The following SNTG1 variants were observed in gnomAD, a reference collection of about 807,000 sequenced individuals.
SNTG1 encodes the protein syntrophin gamma 1.
In SNTG1, 39 loss-of-function variants were observed where a neutral mutation model predicts 74.7. The ratio of observed to expected loss-of-function variants is 0.52; its 90% confidence interval spans 0.40 to 0.68. SNTG1 has a LOEUF of 0.68. Among genes scored for constraint, SNTG1 ranks in the 30% least tolerant of loss-of-function variants. The pLI is 0.00. For synonymous variants in SNTG1, 254 were observed against 217.1 expected, an observed-to-expected ratio of 1.17 and a Z score of -1.49; for missense variants, 685 against 609.5, an observed-to-expected ratio of 1.12 and a Z score of -1.30.
Position 50,106,416 on chromosome 8 carries a change from G to C in SNTG1, c.-102-66145G>C, listed in dbSNP as rs368297324. Among the ~76,000 whole-genome samples, 20 of 152,162 alleles carry C rather than the reference G, an allele frequency of 1.3e-4. No homozygotes were observed. In the East Asian group the frequency reaches 2.5e-3, roughly 19 times the overall value. On this transcript the variant is annotated intron_variant, in intron 1 of 18. Transcript: ENST00000642720. ...ATAATTCAACATGAGATTTGGGTGG[G>C]GACACAGAACTAACCATTTCACAGT...
chr8:50,648,623 T>A (rs1024934565), intron 13 of SNTG1, among the ~76,000 whole-genome samples: 21 of 152,146 alleles, frequency 1.4e-4, no homozygotes, highest in Non-Finnish European at 2.8e-4. Context: ...ATTATTTGAA[T>A]AAGATAGTGG....
intron 1 of SNTG1, among the ~76,000 whole-genome samples, chr8:49,922,595 A>C (rs555889584): frequency 6.6e-6 from 1 of 152,158 alleles, no homozygotes; most frequent in African/African-American, 2.4e-5. Flanking sequence ...GGGACAAAGG[A>C]GATGATCCCT....
chr8:50,493,579 T>C (rs925470728), intron 8 of SNTG1, among the ~76,000 whole-genome samples: 1 of 152,082 alleles, frequency 6.6e-6, no homozygotes, highest in African/African-American at 2.4e-5. Context: ...TTGACTTGAG[T>C]GGTGTTGATT....
intron 12 of SNTG1, among the ~76,000 whole-genome samples, chr8:50,571,323 G>T (rs1489454354): frequency 6.6e-6 from 1 of 152,166 alleles, no homozygotes; most frequent in Admixed American, 6.5e-5. Context: ...TCCTGTCCCG[G>T]GCTCAAGAGA....
chr8:50,682,621 C>T (rs2095335729), intron 15 of SNTG1, among the ~76,000 whole-genome samples: 1 of 152,104 alleles, frequency 6.6e-6, no homozygotes, highest in South Asian at 2.1e-4. Context: ...TATCCTCAGC[C>T]CTCAACTGTG....
chr8:50,491,583 A>T (rs1416528455), intron 8 of SNTG1: 1 of 152,230 alleles, frequency 6.6e-6, no homozygotes, highest in Admixed American at 6.5e-5. Flanking sequence ...CCATCGGAGT[A>T]CGTGCGCAGC....
intron 2 of SNTG1, among the ~76,000 whole-genome samples, chr8:50,180,848 C>T (rs866008423): frequency 1.6e-4 from 24 of 150,280 alleles, no homozygotes; most frequent in African/African-American, 5.9e-4. Flanking sequence ...GCAACCTCCA[C>T]CTCCCAGGTT....
chr8:50,484,936 G>T (rs1195763343), intron 8 of SNTG1, among the ~76,000 whole-genome samples: 1 of 152,064 alleles, frequency 6.6e-6, no homozygotes, highest in African/African-American at 2.4e-5. Context: ...TGTCTTGTCT[G>T]CCCATCTGCA....
rs548717823 is a variant in SNTG1 at position 50,555,715 on chromosome 8, C to A, written c.810+2536C>A. Among the ~76,000 whole-genome samples, 174 of 151,950 alleles carry A rather than the reference C, an allele frequency of 1.1e-3. 4 individuals are homozygous for A. In the South Asian group the frequency reaches 0.027, roughly 23 times the overall value. On this transcript the variant is annotated intron_variant, in intron 12 of 18. Coordinates refer to ENST00000642720, the MANE Select transcript of SNTG1 (RefSeq NM_018967.5). ...ATTGTGATAAATATTTAAAGAAATT[C>A]CACTCAAGAGATTATCAGGCATAAA...
chr8:49,959,662 A>G (rs772591363), intron 1 of SNTG1, among the ~76,000 whole-genome samples: 15 of 152,222 alleles, frequency 9.9e-5, no homozygotes, highest in Non-Finnish European at 2.2e-4. Flanking sequence ...ATTCCATTAT[A>G]TGGAAATGCC....
intron 4 of SNTG1, among the ~76,000 whole-genome samples, chr8:50,431,388 A>G (rs1456511765): frequency 6.6e-6 from 1 of 152,162 alleles, no homozygotes; most frequent in Non-Finnish European, 1.5e-5. Flanking sequence ...TCATTTTTAA[A>G]ATTATTCAAT....
chr8:50,587,967 A>T (rs891527543), intron 12 of SNTG1, among the ~76,000 whole-genome samples: 1 of 151,852 alleles, frequency 6.6e-6, no homozygotes, highest in East Asian at 1.9e-4. Context: ...AAAATAAAAA[A>T]AAATTAGCCA....
rs375010794 is a variant in SNTG1, at chr8:50,185,698, A to G, written c.-28+13063A>G. The stretch of plus-strand genomic sequence containing the variant: ...CCTTTTTTTACTTTAAAGTTCACTA[A>G]TAATTGTGGAAAATATTCTTTTTTC... On this transcript the variant is annotated intron_variant, in intron 2 of 18. Coordinates refer to ENST00000642720, the MANE Select transcript of SNTG1 (RefSeq NM_018967.5). 5.3e-5 allele frequency among the ~76,000 whole-genome samples: 8 copies of G among 152,314 alleles called. No individual in the cohort carries two copies. The East Asian group carries it at 9.6e-4, about 18-fold the overall frequency.
intron 2 of SNTG1, among the ~76,000 whole-genome samples, chr8:50,390,759 G>A (rs1402091307): frequency 6.6e-6 from 1 of 152,108 alleles, no homozygotes; most frequent in East Asian, 1.9e-4. Flanking sequence ...GCAGTGGTTT[G>A]TAGTTCTCCT....
At chr8:50,343,419 A>G (rs1373804498) in intron 2 of SNTG1, among the ~76,000 whole-genome samples, 1 of 152,236 alleles carries the variant, frequency 6.6e-6, no homozygotes, top group Non-Finnish European at 1.5e-5. Flanking sequence ...TATTTCTGTA[A>G]GAACAATCAG....
chr8:50,431,100 A>C (rs1382181118), intron 4 of SNTG1, among the ~76,000 whole-genome samples: 6 of 152,210 alleles, frequency 3.9e-5, no homozygotes, highest in Non-Finnish European at 7.3e-5. Flanking sequence ...ATGTAGTTCA[A>C]GTGTCACAGA....
At chr8:50,280,900 T>A (rs2088403840) in intron 2 of SNTG1, among the ~76,000 whole-genome samples, 1 of 143,364 alleles carries the variant, frequency 7.0e-6, no homozygotes, top group African/African-American at 2.6e-5. Flanking sequence ...ACGCCTGTAA[T>A]CCCAGCACTC....
chr8:50,353,676 TG>T (rs2091736010), intron 2 of SNTG1, among the ~76,000 whole-genome samples: 2 of 152,192 alleles, frequency 1.3e-5, no homozygotes, highest in Admixed American at 1.3e-4. Context: ...GTGTGTGGTG[TG>T]CTTTTATGTT....
intron 10 of SNTG1, 127 bp downstream of exon 10, chr8:50,530,386 T>A (rs986530023): frequency 1.1e-6 from 1 of 941,628 alleles, no homozygotes. Context: ...AGAATTATGA[T>A]AAACAAGAAA....
Sources: gnomAD v4.1 joint callset for allele counts (sites outside exome capture counted in the v4.1 genomes callset) on GRCh38, gnomAD v4.1.1 for gene constraint, MANE v1.5 for transcripts, NCBI Gene and HGNC (gene_info 2026-07-23, HGNC 2026-07-21) for gene names.